CFAP54: variants seen among roughly 807,000 people sequenced by gnomAD.
CFAP54 encodes cilia- and flagella-associated protein 54.
Under a neutral mutation model 370.4 loss-of-function variants are expected in CFAP54, and 290 were observed. The observed-to-expected ratio is 0.78, with a 90% CI of 0.71 to 0.86. The LOEUF (loss-of-function observed/expected upper bound fraction) is 0.86. Among genes scored for constraint, CFAP54 ranks in the 40% least tolerant of loss-of-function variants. The pLI, the probability that CFAP54 is intolerant of heterozygous loss-of-function variation, is 0.00. For missense variants in CFAP54, 3,399 were observed against 3,528.7 expected (o/e 0.96, Z 0.93); for synonymous variants, 1,206 against 1,236.5 (o/e 0.98, Z 0.52).
In CFAP54 at chr12:96,753,869, A is replaced by T; in HGVS notation, c.7811A>T (p.Glu2604Val). The T allele has an allele frequency of 6.2e-7, 1 of 1,613,766 alleles. No individual in the cohort carries two copies. Among genetic ancestry groups the T allele is most frequent in the South Asian group, 1.1e-5 (1 of 91,024 alleles). The change falls in exon 56 of 68, where the codon GAG becomes GTG. Residue 2604 changes from glutamate to valine, a missense_variant. Glu to Val is a moderately radical substitution (Grantham distance 121, BLOSUM62 -2). Transcript: ENST00000524981. ...LCRTTAVEEH[E>V]VEAEILFQKG... is the part of the protein sequence containing the mutation. ...AGAACAACAGCAGTGGAGGAACATGAGGTGGAAGCTGAAATCCTTTTTCAG... is the reference window on the plus strand; with the variant it reads ...AGAACAACAGCAGTGGAGGAACATGTGGTGGAAGCTGAAATCCTTTTTCAG...
chr12:96,756,604 T>G, intron 57 of CFAP54, 41 bp downstream of exon 57: 1 of 1,370,822 alleles, frequency 7.3e-7, no homozygotes, highest in Middle Eastern at 1.8e-4. Flanking sequence ...TGTGTTTGGC[T>G]TGAGCCCCGT....
chr12:96,861,597 G>A (rs957582946), intron 67 of CFAP54, among the ~76,000 whole-genome samples: 4 of 152,198 alleles, frequency 2.6e-5, no homozygotes, highest in African/African-American at 9.7e-5. Flanking sequence ...CTTTAGAATT[G>A]TATAGACCTG....
At chr12:96,492,650 G>A (rs963470967) in intron 1 of CFAP54, among the ~76,000 whole-genome samples, 1 of 152,218 alleles carries the variant, frequency 6.6e-6, no homozygotes, top group Non-Finnish European at 1.5e-5. Context: ...CCTGGGGGTT[G>A]GGACATAATA....
intron 67 of CFAP54, 93 bp downstream of exon 67, chr12:96,861,045 T>G (rs1959867929): frequency 1.1e-6 from 1 of 939,524 alleles, no homozygotes; most frequent in South Asian, 2.8e-5. Context: ...ATAAAATTGT[T>G]TTTTTACACA....
At chr12:96,656,841 C>T (rs545008745) in intron 36 of CFAP54, among the ~76,000 whole-genome samples, 74 of 152,218 alleles carry the variant, frequency 4.9e-4, no homozygotes, top group Non-Finnish European at 9.4e-4. Context: ...AGTGATTGAG[C>T]TCATAACATA....
chr12:96,526,251 T>C (rs968827956), intron 8 of CFAP54, among the ~76,000 whole-genome samples: 3 of 152,112 alleles, frequency 2.0e-5, no homozygotes, highest in African/African-American at 7.2e-5. Flanking sequence ...AACAGGTCAT[T>C]TGATGGAGAG....
intron 63 of CFAP54, among the ~76,000 whole-genome samples, chr12:96,804,509 A>G (rs1958857003): frequency 6.6e-6 from 1 of 152,178 alleles, no homozygotes; most frequent in Non-Finnish European, 1.5e-5. Flanking sequence ...CAAGAAGGCA[A>G]TCACATTTGT....
chr12:96,554,988 T>C, intron 17 of CFAP54, 186 bp downstream of exon 17: 2 of 455,850 alleles, frequency 4.4e-6, no homozygotes, highest in South Asian at 6.9e-5. Flanking sequence ...CTTTACACTT[T>C]GCATATTAAA....
chr12:96,511,260 G>A (rs1001757754), intron 4 of CFAP54, among the ~76,000 whole-genome samples: 1 of 152,116 alleles, frequency 6.6e-6, no homozygotes, highest in Non-Finnish European at 1.5e-5. Context: ...TATGCTTATA[G>A]TTGTGTTCTA....
intron 6 of CFAP54, among the ~76,000 whole-genome samples, chr12:96,519,822 C>T (rs1032070854): frequency 7.2e-5 from 11 of 152,110 alleles, no homozygotes; most frequent in Non-Finnish European, 1.6e-4. Flanking sequence ...TTGAAATATG[C>T]AATACGTTAT....
rs1204317241 is a variant in CFAP54, at chr12:96,792,508, T to A, written c.8850+9T>A. ...AGGAGACAGAACCTATGGTATGTAATGTACTTATAGAACTCAATATTTCAT... is the reference window on the plus strand; with the variant it reads ...AGGAGACAGAACCTATGGTATGTAAAGTACTTATAGAACTCAATATTTCAT... On this transcript the variant is annotated intron_variant, in intron 63 of 67. Coordinates refer to ENST00000524981, the MANE Select transcript of CFAP54 (RefSeq NM_001306084.2). The A allele has an allele frequency of 6.6e-7, 1 of 1,522,134 alleles. No individual in the cohort carries two copies. Among genetic ancestry groups the A allele is most frequent in the Non-Finnish European group, 8.8e-7 (1 of 1,138,278 alleles). The allele number at this position is 1,522,134 out of a possible 1,614,324, so 94.3% of individuals were successfully genotyped here.
chr12:96,602,784 C>CT (rs1441594504), intron 26 of CFAP54, among the ~76,000 whole-genome samples: 1 of 151,886 alleles, frequency 6.6e-6, no homozygotes, highest in Non-Finnish European at 1.5e-5. Flanking sequence ...GCAACCCCTG[C>CT]TTTTTTTTGC....
Position 96,756,492 on chromosome 12 carries a change from AT to A in CFAP54, c.7876del (p.Ser2626LeufsTer15). ...IERQILMEEKSPSFQLESLYE... is the reference protein window; with the variant it reads ...IERQILMEEKXPSFQLESLYE... Reference sequence around the variant, plus strand: ...AACGTCAAATACTAATGGAAGAGAAATCTCCAAGTTTTCAACTTGAGAGTTT... The same window carrying A: ...AACGTCAAATACTAATGGAAGAGAAACTCCAAGTTTTCAACTTGAGAGTTT... On this transcript the variant is annotated frameshift_variant, in exon 57 of 68. Transcript: ENST00000524981. LOFTEE classifies it high-confidence loss of function. 1 of 1,602,974 alleles carries A rather than the reference AT, an allele frequency of 6.2e-7. No homozygotes were observed. Among genetic ancestry groups the A allele is most frequent in the Non-Finnish European group, 8.5e-7 (1 of 1,176,448 alleles).
intron 60 of CFAP54, among the ~76,000 whole-genome samples, chr12:96,766,346 C>T (rs1480691313): frequency 6.6e-6 from 1 of 152,076 alleles, no homozygotes; most frequent in Non-Finnish European, 1.5e-5. Context: ...ACAGCCTGAA[C>T]ATCAGACTGG....
intron 5 of CFAP54, among the ~76,000 whole-genome samples, chr12:96,514,149 A>T (rs952407401): frequency 7.9e-5 from 12 of 152,206 alleles, no homozygotes; most frequent in Non-Finnish European, 1.8e-4. Context: ...TGTTGCTGGC[A>T]TCTGAAACAT....
In CFAP54 at chr12:96,772,304, T is replaced by C. The variant is rs569969961; in HGVS notation, c.8281+7086T>C. ...GGTCAGAAGTCCAAAATAGGTCTTA[T>C]TGGGCTAATTCAGGTGTCACCAGGG... On this transcript the variant is annotated intron_variant, in intron 60 of 67. Transcript: ENST00000524981. Among the ~76,000 whole-genome samples the C allele has an allele frequency of 2.0e-4, 30 of 152,302 alleles. No individual in the cohort carries two copies. The South Asian group carries it at 5.0e-3, about 25-fold the overall frequency.
At chr12:96,527,564 T>C (rs1955397250) in intron 9 of CFAP54, 120 bp downstream of exon 9, 4 of 609,004 alleles carry the variant, frequency 6.6e-6, no homozygotes, top group Non-Finnish European at 1.0e-5. Flanking sequence ...TTTTTTTTTG[T>C]TTGGTTGTTT....
chr12:96,557,107 G>A (rs1955761798), intron 17 of CFAP54, among the ~76,000 whole-genome samples: 1 of 151,466 alleles, frequency 6.6e-6, no homozygotes, highest in African/African-American at 2.4e-5. Flanking sequence ...CCTTTCTGGA[G>A]GCTCTGGGGG....
At position 96,564,512 on chromosome 12, in the gene CFAP54, C is replaced by G. The variant is rs1955846220; in HGVS notation, c.2455C>G (p.Pro819Ala). 1 of 698,676 alleles carries G rather than the reference C, an allele frequency of 1.4e-6. No individual in the cohort carries two copies. Among genetic ancestry groups the G allele is most frequent in the Non-Finnish European group, 2.6e-6 (1 of 382,866 alleles). 43.3% of individuals were successfully genotyped at this position (698,676 alleles called of 1,614,324 possible). A position where few individuals can be genotyped will look rare whatever the true frequency, so the allele number is the denominator to read the frequency against. ...TVSKDISTKG[P>A]EKLKQSGSTD... Reference sequence around the variant, plus strand: ...TAGCAAAGATATTTCTACCAAGGGTCCGGAAAAGTTAAAACAATCTGGAAG... The same window carrying G: ...TAGCAAAGATATTTCTACCAAGGGTGCGGAAAAGTTAAAACAATCTGGAAG... The change falls in exon 18 of 68, where the codon CCG (proline) becomes GCG (alanine). Residue 819 changes from proline (P) to alanine (A), a missense_variant. Transcript: ENST00000524981.
Sources: allele counts gnomAD v4.1 joint callset (sites outside exome capture counted in the v4.1 genomes callset), GRCh38; gene constraint gnomAD v4.1.1; transcripts MANE v1.5; gene names NCBI Gene and HGNC (gene_info 2026-07-23, HGNC 2026-07-21).